Variants in SYN3 observed in about 807,000 individuals in gnomAD.
The protein encoded by SYN3 is synapsin-3.
Under a neutral mutation model 65.8 loss-of-function variants are expected in SYN3, and 35 were observed. The ratio of observed to expected loss-of-function variants is 0.53; its 90% CI spans 0.41 to 0.70. The LOEUF (loss-of-function observed/expected upper bound fraction) is 0.70, where lower values mean the gene tolerates loss of function less well. Among genes scored for constraint, SYN3 ranks in the 30% least tolerant of loss-of-function variants. The pLI, the probability that SYN3 is intolerant of heterozygous loss-of-function variation, is 0.00. For missense variants in SYN3, 680 were observed against 749.0 expected, an observed-to-expected ratio of 0.91 and a Z score of 1.08; for synonymous variants, 270 against 292.9, an observed-to-expected ratio of 0.92 and a Z score of 0.80.
chr22:32,885,863 T>C (rs2049274476), intron 4 of SYN3, among the ~76,000 whole-genome samples: 2 of 152,068 alleles, frequency 1.3e-5, no homozygotes, highest in Admixed American at 1.3e-4. Context: ...ACCAGGCCCA[T>C]ATTCCCTTTT....
intron 6 of SYN3, among the ~76,000 whole-genome samples, chr22:32,818,856 C>T (rs1482162551): frequency 6.6e-6 from 1 of 152,184 alleles, no homozygotes; most frequent in Non-Finnish European, 1.5e-5. Flanking sequence ...GGTAAGAATT[C>T]CCTGTCATGG....
intron 7 of SYN3, among the ~76,000 whole-genome samples, chr22:32,578,416 T>G (rs555205494): frequency 6.6e-6 from 1 of 152,186 alleles, no homozygotes; most frequent in South Asian, 2.1e-4. Flanking sequence ...CTGGCATTTT[T>G]TTATTTTTAT....
At chr22:32,566,288 A>G (rs1293580646) in intron 7 of SYN3, among the ~76,000 whole-genome samples, 3 of 152,180 alleles carry the variant, frequency 2.0e-5, no homozygotes, top group Non-Finnish European at 2.9e-5. Flanking sequence ...GCCTATCTCA[A>G]TAGAGGCATG....
At chr22:32,633,664 C>T (rs1005873624) in intron 6 of SYN3, among the ~76,000 whole-genome samples, 1 of 152,156 alleles carries the variant, frequency 6.6e-6, no homozygotes. Flanking sequence ...GCTTTGTCAC[C>T]TAGGCTGGAG....
chr22:32,875,719 A>G (rs2048965626), intron 4 of SYN3, among the ~76,000 whole-genome samples: 1 of 152,152 alleles, frequency 6.6e-6, no homozygotes, highest in African/African-American at 2.4e-5. Context: ...TGTCTATAAT[A>G]CAGGGAATTT....
chr22:32,916,754 G>C (rs1166063156), intron 4 of SYN3, among the ~76,000 whole-genome samples: 3 of 152,196 alleles, frequency 2.0e-5, no homozygotes. Context: ...ATTTTAATAA[G>C]TAGGGTAGAG....
intron 6 of SYN3, among the ~76,000 whole-genome samples, chr22:32,799,963 A>G (rs944759574): frequency 2.0e-5 from 3 of 152,242 alleles, no homozygotes; most frequent in African/African-American, 7.2e-5. Context: ...TCTACGAGTT[A>G]GGCCACAGTT....
At chr22:33,046,952 TCC>T (rs2054076305) in intron 1 of SYN3, among the ~76,000 whole-genome samples, 1 of 150,834 alleles carries the variant, frequency 6.6e-6, no homozygotes, top group Non-Finnish European at 1.5e-5. Flanking sequence ...AACTCTCCCT[TCC>T]CCCACCTCTT....
chr22:32,763,108 CAT>C (rs1393286464), intron 6 of SYN3, among the ~76,000 whole-genome samples: 2 of 151,596 alleles, frequency 1.3e-5, no homozygotes, highest in Non-Finnish European at 2.9e-5. Context: ...TGTAACATAA[CAT>C]ATACACAGTA....
At chr22:32,701,972 G>A (rs1235005122) in intron 6 of SYN3, among the ~76,000 whole-genome samples, 1 of 152,180 alleles carries the variant, frequency 6.6e-6, no homozygotes, top group African/African-American at 2.4e-5. Flanking sequence ...TTATTTTTGT[G>A]TGTGTGATTT....
intron 12 of SYN3, among the ~76,000 whole-genome samples, chr22:32,523,324 A>G (rs949350733): frequency 2.0e-5 from 3 of 152,194 alleles, no homozygotes; most frequent in African/African-American, 7.2e-5. Context: ...CATCATGGCC[A>G]ACATGGTGAC....
At chr22:32,762,834 A>G (rs1351778130) in intron 6 of SYN3, among the ~76,000 whole-genome samples, 2 of 151,798 alleles carry the variant, frequency 1.3e-5, no homozygotes, top group Non-Finnish European at 2.9e-5. Flanking sequence ...AGGTAAGGAA[A>G]ATAGTAATCA....
chr22:33,049,714 C>T (rs932226211), intron 1 of SYN3, among the ~76,000 whole-genome samples: 5 of 152,196 alleles, frequency 3.3e-5, no homozygotes, highest in African/African-American at 1.2e-4. Context: ...GGCAACTACT[C>T]TTACAGTGGC....
Position 32,758,906 on chromosome 22 carries a change from C to A in SYN3, c.711+106009G>T, listed in dbSNP as rs990734997. Among the ~76,000 whole-genome samples the A allele has an allele frequency of 2.0e-5, 3 of 151,068 alleles. No individual in the cohort carries two copies. The Admixed American group carries it at 2.0e-4, about 10-fold the overall frequency. ...GTGCAGAGTATCCTGTATGCATTCC[C>A]AGTCCCCCTGACTATCTGCCCATAG... On this transcript the variant is annotated intron_variant, in intron 6 of 13. Coordinates refer to ENST00000358763, the MANE Select transcript of SYN3 (RefSeq NM_003490.4).
chr22:33,051,952 C>T (rs753936525), intron 1 of SYN3, among the ~76,000 whole-genome samples: 7 of 152,142 alleles, frequency 4.6e-5, no homozygotes, highest in South Asian at 2.1e-4. Flanking sequence ...AAAGCTACAC[C>T]AAGAACACGC....
intron 6 of SYN3, among the ~76,000 whole-genome samples, chr22:32,707,946 G>A (rs958863261): frequency 2.6e-5 from 4 of 152,166 alleles, no homozygotes; most frequent in Non-Finnish European, 5.9e-5. Context: ...GGAATTTTTG[G>A]GAAAACACTT....
At chr22:32,597,221 T>G (rs1015878992) in intron 6 of SYN3, among the ~76,000 whole-genome samples, 4 of 141,718 alleles carry the variant, frequency 2.8e-5, no homozygotes, top group African/African-American at 1.0e-4. Context: ...TTTTTTTTTT[T>G]TTTTTTTTTT....
intron 3 of SYN3, among the ~76,000 whole-genome samples, chr22:32,954,926 A>C (rs932885197): frequency 6.6e-6 from 1 of 151,480 alleles, no homozygotes; most frequent in African/African-American, 2.4e-5. Context: ...AAGAAATTCA[A>C]ATGCTTTTTC....
chr22:32,681,266 G>T (rs1384140499), intron 6 of SYN3, among the ~76,000 whole-genome samples: 2 of 150,246 alleles, frequency 1.3e-5, no homozygotes, highest in African/African-American at 4.9e-5. Context: ...ACTTGGGAGT[G>T]GGGGGTGGGA....
Sources: gnomAD v4.1 joint callset for allele counts (sites outside exome capture counted in the v4.1 genomes callset) on GRCh38, gnomAD v4.1.1 for gene constraint, MANE v1.5 for transcripts, NCBI Gene and HGNC (gene_info 2026-07-23, HGNC 2026-07-21) for gene names.